Variants in SEPTIN12 observed in about 807,000 individuals in gnomAD.
SEPTIN12 encodes septin-12.
In SEPTIN12, 42 loss-of-function variants were observed where a neutral mutation model predicts 37.7. The observed-to-expected ratio is 1.11, with a 90% CI of 0.87 to 1.44. The LOEUF (loss-of-function observed/expected upper bound fraction) is 1.44. Among genes scored for constraint, SEPTIN12 ranks in the 40% most tolerant of loss-of-function variants. The probability of loss-of-function intolerance (pLI) is 0.00; values close to 1 mark genes in which losing one functional copy is unlikely to be tolerated. For synonymous variants in SEPTIN12, 254 were observed against 196.7 expected (o/e 1.29, Z -2.44); for missense variants, 613 against 479.2 (o/e 1.28, Z -2.61).
upstream of SEPTIN12, among the ~76,000 whole-genome samples, chr16:4,791,290 A>G (rs903999937): frequency 6.6e-6 from 1 of 152,174 alleles, no homozygotes; most frequent in Non-Finnish European, 1.5e-5. Flanking sequence ...GTTGACTGGC[A>G]AAAGCCAGGG....
chr16:4,788,465 C>G (rs890173562), upstream of SEPTIN12: 4 of 152,246 alleles, frequency 2.6e-5, no homozygotes, highest in Non-Finnish European at 5.9e-5. Context: ...CTTCTAATCC[C>G]CACAATGACC....
chr16:4,790,164 T>C (rs2082530044), upstream of SEPTIN12: 1 of 152,156 alleles, frequency 6.6e-6, no homozygotes, highest in Non-Finnish European at 1.5e-5. Flanking sequence ...TCCAGCTGCC[T>C]CAGCCTCCCA....
chr16:4,787,516 T>G lies in SEPTIN12; in HGVS notation c.130A>C (p.Met44Leu). 1 of 1,613,202 alleles carries G rather than the reference T, an allele frequency of 6.2e-7. No homozygotes were observed. The highest frequency in any genetic ancestry group is 8.5e-7 in the Non-Finnish European group (1 of 1,180,028). ...AVLDQLKIKA[M>L]KMGFEFNIMV... ...ATGTTGAACTCAAACCCCATCTTCA[T>G]AGCCTTGATCTTCAGCTGGTCCAGC... is the stretch of plus-strand genomic sequence containing the variant. The change falls in exon 2 of 10, where the codon ATG (methionine) becomes CTG (leucine). Residue 44 changes from methionine (M) to leucine (L), a missense_variant. By Grantham distance (15) the Met-to-Leu change is conservative. Coordinates refer to ENST00000268231, the MANE Select transcript of SEPTIN12 (RefSeq NM_144605.5).
chr16:4,779,578 G>C (rs1454901065), intron 8 of SEPTIN12, 112 bp downstream of exon 8: 3 of 760,784 alleles, frequency 3.9e-6, no homozygotes, highest in East Asian at 2.5e-5. Flanking sequence ...AGGGCTCTTT[G>C]TCTAGTGGGC....
At chr16:4,791,713 A>G (rs898334203), upstream of SEPTIN12, among the ~76,000 whole-genome samples, 1 of 152,088 alleles carries the variant, frequency 6.6e-6, no homozygotes, top group African/African-American at 2.4e-5. Flanking sequence ...TCTGAGACAC[A>G]GTCTCACTCT....
chr16:4,786,709 G>C (rs192966397), intron 2 of SEPTIN12, among the ~76,000 whole-genome samples: 14 of 152,034 alleles, frequency 9.2e-5, no homozygotes, highest in African/African-American at 3.1e-4. Flanking sequence ...CCAGACTCAA[G>C]TGATCGCAGC....
chr16:4,783,819 G>A (rs1370199331), intron 5 of SEPTIN12, 53 bp from the exon 6 acceptor site: 9 of 1,597,998 alleles, frequency 5.6e-6, no homozygotes, highest in African/African-American at 1.3e-5. Flanking sequence ...GTGTATAAAC[G>A]ACAGCAGCAG....
intron 7 of SEPTIN12, among the ~76,000 whole-genome samples, chr16:4,782,141 A>C (rs531002745): frequency 9.8e-4 from 146 of 149,164 alleles, no homozygotes; most frequent in African/African-American, 3.4e-3. Context: ...GTAGAGACAG[A>C]GTTTCACCAT....
intron 1 of SEPTIN12, 174 bp from the exon 2 acceptor site, chr16:4,787,841 G>A (rs2082484354): frequency 3.5e-6 from 2 of 579,374 alleles, no homozygotes; most frequent in Admixed American, 3.1e-5. Context: ...GGGTGCCTGT[G>A]GGGAGCTGTT....
In SEPTIN12 at chr16:4,786,053, T is replaced by C. The variant is rs771982033; in HGVS notation, c.219A>G (p.Lys73=). 9.3e-5 allele frequency: 150 copies of C among 1,613,982 alleles called. 2 individuals carry two copies. In the South Asian group the frequency reaches 1.6e-3, roughly 17 times the overall value. ...AGCCCGGTGGGTTTGACTTCCACAC[T>C]TTGGACTTGAACAGCGTGTTCACCA... ...STMVNTLFKS[K]VWKSNPPGLG... Residue 73 remains lysine (K), a synonymous_variant, in exon 3 of 10, where the codon AAA becomes AAG. Transcript: ENST00000268231.
chr16:4,790,242 T>C (rs1567581016), upstream of SEPTIN12, among the ~76,000 whole-genome samples: 2 of 152,228 alleles, frequency 1.3e-5, no homozygotes, highest in Non-Finnish European at 2.9e-5. Flanking sequence ...TTTTAGGCTT[T>C]GCTGGTCCTA....
At chr16:4,788,192 C>G (rs1487314651) in intron 1 of SEPTIN12, 88 bp downstream of exon 1, 1 of 155,670 alleles carries the variant, frequency 6.4e-6, no homozygotes, top group African/African-American at 2.4e-5. Context: ...AGAGAGAGAC[C>G]AAGGTCAGGC....
Position 4,788,313 on chromosome 16 carries a change from A to C in SEPTIN12, c.-56T>G, listed in dbSNP as rs1389039835. ...CGTGGGTCCTGGTGGAGCTTCCAGG[A>C]GCTGCCTTGTCCTGGCAGGGCCTGG... On this transcript the variant is annotated 5_prime_UTR_variant, in exon 1 of 10. Coordinates refer to ENST00000268231, the MANE Select transcript of SEPTIN12 (RefSeq NM_144605.5). 6 of 153,308 alleles carry C rather than the reference A, an allele frequency of 3.9e-5. No individual in the cohort carries two copies. 9.5% of individuals were successfully genotyped at this position (153,308 alleles called of 1,614,324 possible). A position where few individuals can be genotyped will look rare whatever the true frequency, so the allele number is the denominator to read the frequency against.
chr16:4,786,261 C>T (rs1032205526), intron 2 of SEPTIN12, among the ~76,000 whole-genome samples, 156 bp from the exon 3 acceptor site: 1 of 152,120 alleles, frequency 6.6e-6, no homozygotes, highest in Non-Finnish European at 1.5e-5. Context: ...GCAGCCTCGA[C>T]CTTCCCAGAC....
upstream of SEPTIN12, among the ~76,000 whole-genome samples, chr16:4,791,580 A>G (rs2082551696): frequency 6.6e-6 from 1 of 152,122 alleles, no homozygotes; most frequent in Non-Finnish European, 1.5e-5. Flanking sequence ...GTCTTATGGC[A>G]TGCAATCGAA....
chr16:4,783,045 C>A (rs1341431438), intron 7 of SEPTIN12, among the ~76,000 whole-genome samples: 1 of 151,802 alleles, frequency 6.6e-6, no homozygotes, highest in African/African-American at 2.4e-5. Flanking sequence ...GTAGCTGGGA[C>A]TAAAGGCGTG....
At chr16:4,783,618 G>T in intron 6 of SEPTIN12, 31 bp downstream of exon 6, 1 of 1,611,464 alleles carries the variant, frequency 6.2e-7, no homozygotes, top group Non-Finnish European at 8.5e-7. Flanking sequence ...TGCCCCCGCT[G>T]ACCCCAGCCC....
chr16:4,782,910 AT>A (rs60734037), intron 7 of SEPTIN12, among the ~76,000 whole-genome samples: 127 of 121,506 alleles, frequency 1.0e-3, no homozygotes, highest in African/African-American at 3.6e-3. Flanking sequence ...CGGCCAACAC[AT>A]TTTTTTTTTC....
At chr16:4,781,196 T>C (rs956485444) in intron 7 of SEPTIN12, among the ~76,000 whole-genome samples, 1 of 150,832 alleles carries the variant, frequency 6.6e-6, no homozygotes. Flanking sequence ...GAGGCAGGGG[T>C]TGCAGTGAGC....
Sources: allele counts gnomAD v4.1 joint callset (sites outside exome capture counted in the v4.1 genomes callset), GRCh38; gene constraint gnomAD v4.1.1; transcripts MANE v1.5; gene names NCBI Gene and HGNC (gene_info 2026-07-23, HGNC 2026-07-21).